Variants in CDC6 observed in about 807,000 individuals in gnomAD.
The protein encoded by CDC6 is cell division cycle 6.
CDC6 carries 46 observed loss-of-function variants against 60.2 expected under a neutral mutation model. The observed-to-expected ratio is 0.76, with a 90% CI of 0.60 to 0.98. The LOEUF is 0.98. Among genes scored for constraint, CDC6 ranks in the 50% least tolerant of loss-of-function variants. CDC6 has a pLI of 0.00. For missense variants in CDC6, 596 were observed against 652.9 expected, an observed-to-expected ratio of 0.91 and a Z score of 0.95; for synonymous variants, 210 against 233.2, an observed-to-expected ratio of 0.90 and a Z score of 0.90.
chr17:40,299,138 CTTT>C (rs67162965), intron 9 of CDC6, among the ~76,000 whole-genome samples: 79 of 60,768 alleles, frequency 1.3e-3, no homozygotes, highest in African/African-American at 5.0e-3. Flanking sequence ...AGGCCATAGT[CTTT>C]TTTTTTTTTT....
chr17:40,300,178 G>A (rs555229156), intron 9 of CDC6, among the ~76,000 whole-genome samples: 1 of 152,222 alleles, frequency 6.6e-6, no homozygotes, highest in East Asian at 1.9e-4. Context: ...TGGGCAGGCT[G>A]GTCTCCAACT....
rs1130199 is a variant in CDC6, at chr17:40,291,317, T to C, written c.438T>C (p.Cys146=). 29,303 of 1,614,116 alleles carry C rather than the reference T, an allele frequency of 0.018. 4,577 individuals carry two copies. The African/African-American group carries it at 0.34, about 19-fold the overall frequency. ...QRCPLKKESA[C]VRLFKQEGTC... ...GTCCACTGAAGAAAGAATCTGCATG[T>C]GTGAGACTATTCAAGCAAGAAGGTT... is the stretch of plus-strand genomic sequence containing the variant. Residue 146 remains cysteine, a synonymous_variant, in exon 3 of 12, where the codon TGT becomes TGC. Transcript: ENST00000209728.
intron 7 of CDC6, 138 bp downstream of exon 7, chr17:40,294,641 C>A: frequency 5.5e-6 from 4 of 728,618 alleles, no homozygotes; most frequent in East Asian, 2.7e-5. Context: ...ATAGTGAGAA[C>A]ATTTTTATGT....
In CDC6 at chr17:40,301,613, A is replaced by T. The variant is rs1270959059; in HGVS notation, c.1593+5A>T. On this transcript the variant is annotated splice_donor_5th_base_variant and intron_variant, in intron 11 of 11. Coordinates refer to ENST00000209728, the MANE Select transcript of CDC6 (RefSeq NM_001254.4). ...AAGGAAACCCGTTTGACAAAGGTAC[A>T]ACTGCTTTTTTGTGACAGTGTTTTT... The T allele has an allele frequency of 1.2e-6, 2 of 1,613,950 alleles. No individual in the cohort carries two copies. Among genetic ancestry groups the T allele is most frequent in the African/African-American group, 2.7e-5 (2 of 74,942 alleles).
intron 9 of CDC6, among the ~76,000 whole-genome samples, 181 bp downstream of exon 9, chr17:40,296,948 G>A (rs1296983094): frequency 3.9e-5 from 6 of 152,202 alleles, no homozygotes; most frequent in Admixed American, 3.3e-4. Flanking sequence ...ACTATAGTTC[G>A]TGCATTACTG....
intron 6 of CDC6, 81 bp downstream of exon 6, chr17:40,294,137 T>G: frequency 8.4e-7 from 1 of 1,192,924 alleles, no homozygotes; most frequent in Non-Finnish European, 1.3e-6. Context: ...TATCAGCTAT[T>G]TTATCTTAAA....
chr17:40,294,392 T>TCC lies in CDC6; in HGVS notation c.972_973insCC (p.Arg325ProfsTer18). The TCC allele has an allele frequency of 6.2e-7, 1 of 1,609,846 alleles. No homozygotes were observed. The highest frequency in any genetic ancestry group is 8.5e-7 in the Non-Finnish European group (1 of 1,176,182). On this transcript the variant is annotated frameshift_variant, in exon 7 of 12. Transcript: ENST00000209728. LOFTEE classifies it high-confidence loss of function. ...TTGCTAATACCCTGGATCTCACAGA[T>TCC]AGAATTCTACCTAGGCTTCAAGCTA...
At chr17:40,291,708 G>T (rs781689027) in intron 4 of CDC6, 40 bp downstream of exon 4, 1 of 1,543,334 alleles carries the variant, frequency 6.5e-7, no homozygotes, top group South Asian at 1.1e-5. Context: ...TTGGTAAAAT[G>T]ATACTTGGGT....
chr17:40,299,622 G>T (rs1023499932), intron 9 of CDC6, among the ~76,000 whole-genome samples: 1 of 152,084 alleles, frequency 6.6e-6, no homozygotes, highest in Non-Finnish European at 1.5e-5. Flanking sequence ...ATCTGGCCAG[G>T]CATGGTGGCT....
In CDC6 at chr17:40,291,492, C is replaced by G. The variant is rs1469606304; in HGVS notation, c.484C>G (p.Leu162Val). 1 of 1,614,216 alleles carries G rather than the reference C, an allele frequency of 6.2e-7. No homozygotes were observed. Among genetic ancestry groups the G allele is most frequent in the South Asian group, 1.1e-5 (1 of 91,078 alleles). Reference protein sequence around the residue: ...QEGTCYQQAKLVLNTAVPDRL... With the variant: ...QEGTCYQQAKVVLNTAVPDRL... ...AGGCACTTGCTACCAGCAAGCAAAG[C>G]TGGTCCTGAACACAGCTGTCCCAGA... The change falls in exon 4 of 12, where the codon CTG (leucine) becomes GTG (valine). Residue 162 changes from leucine to valine, a missense_variant. Leu to Val is a conservative substitution (Grantham distance 32, BLOSUM62 1). Transcript: ENST00000209728.
At chr17:40,294,538 C>G (rs2032830671) in intron 7 of CDC6, 35 bp downstream of exon 7, 1 of 1,603,000 alleles carries the variant, frequency 6.2e-7, no homozygotes, top group African/African-American at 1.3e-5. Flanking sequence ...TTATGTGTTC[C>G]TTGGATCACC....
At chr17:40,296,640 G>A (rs867536880) in intron 8 of CDC6, 63 bp from the exon 9 acceptor site, 2 of 909,444 alleles carry the variant, frequency 2.2e-6, no homozygotes, top group African/African-American at 3.3e-5. Context: ...CGCTTTTGAG[G>A]CTGGTGGTTT....
intron 9 of CDC6, among the ~76,000 whole-genome samples, chr17:40,299,111 T>C (rs2032899757): frequency 6.7e-6 from 1 of 149,192 alleles, no homozygotes; most frequent in African/African-American, 2.5e-5. Flanking sequence ...TTGGAATTCA[T>C]GCATCTCCAA....
At chr17:40,288,991 G>A (rs2032708402) in intron 1 of CDC6, among the ~76,000 whole-genome samples, 1 of 152,176 alleles carries the variant, frequency 6.6e-6, no homozygotes, top group South Asian at 2.1e-4. Context: ...GTGGGCCACC[G>A]CGCCCGGCCC....
chr17:40,302,124 G>T lies in CDC6; in HGVS notation c.*123G>T. ...ATGACCTTTTTTACTTGAAGCCAAT[G>T]AATTTTAATCTATAGATTCTTTAAT... On this transcript the variant is annotated 3_prime_UTR_variant, in exon 12 of 12. Coordinates refer to ENST00000209728, the MANE Select transcript of CDC6 (RefSeq NM_001254.4). The T allele has an allele frequency of 1.3e-6, 1 of 747,614 alleles. No individual in the cohort carries two copies. The allele number at this position is 747,614 out of a possible 1,614,324, so 46.3% of individuals were successfully genotyped here. A position where few individuals can be genotyped will look rare whatever the true frequency, so the allele number is the denominator to read the frequency against.
intron 8 of CDC6, 60 bp from the exon 9 acceptor site, chr17:40,296,643 G>A (rs1340328578): frequency 4.3e-6 from 4 of 926,542 alleles, no homozygotes; most frequent in East Asian, 5.0e-5. Flanking sequence ...TTTTGAGGCT[G>A]GTGGTTTGGT....
chr17:40,298,315 C>T (rs892045531), intron 9 of CDC6, among the ~76,000 whole-genome samples: 1 of 152,120 alleles, frequency 6.6e-6, no homozygotes, highest in African/African-American at 2.4e-5. Flanking sequence ...GCACCACTAA[C>T]ACAAACATAA....
At chr17:40,292,800 G>C (rs566065071) in intron 4 of CDC6, among the ~76,000 whole-genome samples, 1 of 150,698 alleles carries the variant, frequency 6.6e-6, no homozygotes, top group Non-Finnish European at 1.5e-5. Flanking sequence ...GCGTGGTGGC[G>C]AGTGCCTGTA....
intron 7 of CDC6, among the ~76,000 whole-genome samples, chr17:40,294,764 G>A (rs1327719351): frequency 4.1e-5 from 6 of 146,096 alleles, no homozygotes; most frequent in South Asian, 2.1e-4. Flanking sequence ...TGCTCTTATC[G>A]CCCAGGCTGG....
Sources: gnomAD v4.1 joint callset for allele counts (sites outside exome capture counted in the v4.1 genomes callset) on GRCh38, gnomAD v4.1.1 for gene constraint, MANE v1.5 for transcripts, NCBI Gene and HGNC (gene_info 2026-07-23, HGNC 2026-07-21) for gene names.